CADM1: variants seen among roughly 807,000 people sequenced by gnomAD.
The protein encoded by CADM1 is TSLC-1.
A neutral mutation model predicts 53.1 loss-of-function variants in CADM1; 15 were observed. The ratio of observed to expected loss-of-function variants is 0.28; its 90% CI spans 0.19 to 0.44. The LOEUF (loss-of-function observed/expected upper bound fraction) is 0.44. Ranked by LOEUF, CADM1 falls within the 20% of genes least tolerant of loss-of-function variation. The pLI, the probability that CADM1 is intolerant of heterozygous loss-of-function variation, is 1.00. For missense variants in CADM1, 434 were observed against 611.3 expected (o/e 0.71, Z 3.06); for synonymous variants, 281 against 243.0 (o/e 1.16, Z -1.45).
chr11:115,217,215 T>C (rs1941224083), intron 6 of CADM1, among the ~76,000 whole-genome samples: 1 of 152,210 alleles, frequency 6.6e-6, no homozygotes, highest in South Asian at 2.1e-4. Context: ...TTTCTTGTAT[T>C]AGTGATGATA....
intron 1 of CADM1, among the ~76,000 whole-genome samples, chr11:115,322,502 A>G (rs150416290): frequency 6.6e-6 from 1 of 152,344 alleles, no homozygotes; most frequent in Non-Finnish European, 1.5e-5. Flanking sequence ...TATCACTACT[A>G]TCTAATTTCA....
At chr11:115,253,416 C>A (rs1445262223) in intron 1 of CADM1, among the ~76,000 whole-genome samples, 1 of 152,172 alleles carries the variant, frequency 6.6e-6, no homozygotes, top group Non-Finnish European at 1.5e-5. Flanking sequence ...GGAAACCTAA[C>A]CTTCACTAAG....
intron 1 of CADM1, among the ~76,000 whole-genome samples, chr11:115,266,478 C>T (rs1053562997): frequency 2.0e-5 from 3 of 152,150 alleles, no homozygotes; most frequent in Admixed American, 2.0e-4. Context: ...CCATCAGCCA[C>T]GCAGGACTGG....
At chr11:115,419,552 T>C (rs1947701280) in intron 1 of CADM1, among the ~76,000 whole-genome samples, 1 of 152,064 alleles carries the variant, frequency 6.6e-6, no homozygotes, top group Admixed American at 6.6e-5. Flanking sequence ...ATATTTCCAG[T>C]TTGCAAAAGT....
intron 1 of CADM1, among the ~76,000 whole-genome samples, chr11:115,454,538 G>A (rs1155756): frequency 0.28 from 42,692 of 152,048 alleles, 6,789 homozygotes; most frequent in Non-Finnish European, 0.38. Flanking sequence ...CTTAAAAGCT[G>A]GTTTTGCTAT....
chr11:115,180,045 C>T (rs1939234378), intron 10 of CADM1, among the ~76,000 whole-genome samples: 1 of 152,136 alleles, frequency 6.6e-6, no homozygotes, highest in Non-Finnish European at 1.5e-5. Context: ...GAAGCCTCTA[C>T]CTCTAATAAT....
rs148226970 is a variant in CADM1 at position 115,334,523 on chromosome 11, A to G, written c.125-94103T>C. 3.9e-3 allele frequency among the ~76,000 whole-genome samples: 600 copies of G among 152,196 alleles called. 1 individual carries two copies. The highest frequency in any genetic ancestry group is 6.8e-3 in the Middle Eastern group (2 of 294). On this transcript the variant is annotated intron_variant, in intron 1 of 11. Coordinates refer to ENST00000331581, the MANE Select transcript of CADM1 (RefSeq NM_001301043.2). ...AGACCACATTCACATAACTTTTATT[A>G]CAGCATATTGATATAATTGTTTTAT...
At chr11:115,441,310 T>A (rs1166258198) in intron 1 of CADM1, among the ~76,000 whole-genome samples, 1 of 152,078 alleles carries the variant, frequency 6.6e-6, no homozygotes, top group Non-Finnish European at 1.5e-5. Context: ...GATGACTCAA[T>A]AGCCTTGAAG....
intron 7 of CADM1, among the ~76,000 whole-genome samples, chr11:115,210,126 A>C (rs1940890789): frequency 6.6e-6 from 1 of 152,206 alleles, no homozygotes; most frequent in Non-Finnish European, 1.5e-5. Flanking sequence ...GTGACTGTTA[A>C]CTTCATTATT....
chr11:115,245,263 T>C (rs1942372771), intron 1 of CADM1, among the ~76,000 whole-genome samples: 1 of 152,068 alleles, frequency 6.6e-6, no homozygotes, highest in Admixed American at 6.6e-5. Flanking sequence ...TCAGCACATA[T>C]TGTCTAAATA....
In CADM1 at chr11:115,308,722, T is replaced by C. The variant is rs1267473931; in HGVS notation, c.125-68302A>G. ...CACAGCAATCTTTTACTTTTTTCCT[T>C]CCTTCCCTCCCTCCCTTTTTCCTTT... On this transcript the variant is annotated intron_variant, in intron 1 of 11. Transcript: ENST00000331581. Among the ~76,000 whole-genome samples the C allele has an allele frequency of 4.0e-5, 6 of 151,862 alleles. No homozygotes were observed. The South Asian group carries it at 1.0e-3, about 26-fold the overall frequency.
At chr11:115,379,117 C>T (rs1274537272) in intron 1 of CADM1, among the ~76,000 whole-genome samples, 1 of 152,124 alleles carries the variant, frequency 6.6e-6, no homozygotes, top group Non-Finnish European at 1.5e-5. Flanking sequence ...AAGTGCAATG[C>T]AATGTATAAT....
chr11:115,179,749 C>G (rs1808253975), intron 10 of CADM1, among the ~76,000 whole-genome samples: 1 of 151,980 alleles, frequency 6.6e-6, no homozygotes, highest in Non-Finnish European at 1.5e-5. Flanking sequence ...TCAAGTACGA[C>G]ACCTCCATTA....
At chr11:115,468,546 T>C (rs1048118362) in intron 1 of CADM1, among the ~76,000 whole-genome samples, 2 of 152,132 alleles carry the variant, frequency 1.3e-5, no homozygotes, top group South Asian at 4.1e-4. Flanking sequence ...TACAGGGGTG[T>C]GTCTGTGTGA....
chr11:115,466,352 A>G (rs566173980), intron 1 of CADM1, among the ~76,000 whole-genome samples: 1 of 152,324 alleles, frequency 6.6e-6, no homozygotes, highest in African/African-American at 2.4e-5. Flanking sequence ...CAATTAGTAA[A>G]CCGGAAAATA....
chr11:115,241,991 T>A (rs1197519689), intron 1 of CADM1, among the ~76,000 whole-genome samples: 5 of 149,406 alleles, frequency 3.3e-5, no homozygotes, highest in Non-Finnish European at 5.9e-5. Flanking sequence ...TTTCCTTTGC[T>A]AGGACACACT....
At chr11:115,216,245 C>T (rs1279404605) in intron 6 of CADM1, among the ~76,000 whole-genome samples, 1 of 152,248 alleles carries the variant, frequency 6.6e-6, no homozygotes. Context: ...CTTGCTCACA[C>T]AACCATATAC....
chr11:115,217,858 T>C (rs1941252184), intron 6 of CADM1, 34 bp downstream of exon 6: 5 of 1,350,788 alleles, frequency 3.7e-6, no homozygotes, highest in Middle Eastern at 3.7e-4. Context: ...TTACTGCGCA[T>C]GACCCTCTGC....
At chr11:115,233,359 C>T (rs1293205598) in intron 3 of CADM1, among the ~76,000 whole-genome samples, 1 of 152,100 alleles carries the variant, frequency 6.6e-6, no homozygotes, top group Non-Finnish European at 1.5e-5. Flanking sequence ...CATCTGCTAG[C>T]ATTTTATGAG....
Sources: gnomAD v4.1 joint callset for allele counts (sites outside exome capture counted in the v4.1 genomes callset) on GRCh38, gnomAD v4.1.1 for gene constraint, MANE v1.5 for transcripts, NCBI Gene and HGNC (gene_info 2026-07-23, HGNC 2026-07-21) for gene names.